Variants in LRRC69 observed in about 807,000 individuals in gnomAD.
The protein encoded by LRRC69 is leucine rich repeat containing 69, also known as leucine-rich repeat-containing protein 69.
A neutral mutation model predicts 37.8 loss-of-function variants in LRRC69; 42 were observed. The observed-to-expected ratio is 1.11, with a 90% CI of 0.87 to 1.44. The LOEUF is 1.44. LRRC69 is among the 40% of genes most tolerant of loss of function. The probability of loss-of-function intolerance (pLI) is 0.00; values close to 1 mark genes in which losing one functional copy is unlikely to be tolerated. For synonymous variants in LRRC69, 141 were observed against 143.1 expected (o/e 0.99, Z 0.11); for missense variants, 357 against 401.9 (o/e 0.89, Z 0.96).
chr8:91,181,185 A>G (rs952157001), intron 5 of LRRC69, among the ~76,000 whole-genome samples: 2 of 152,232 alleles, frequency 1.3e-5, no homozygotes, highest in African/African-American at 4.8e-5. Context: ...TAAAGAAAAT[A>G]TATGGAGAAA....
intron 5 of LRRC69, among the ~76,000 whole-genome samples, chr8:91,163,516 ATCT>A (rs1348431713): frequency 1.3e-5 from 2 of 151,440 alleles, no homozygotes; most frequent in Admixed American, 6.6e-5. Flanking sequence ...GGTCTCAAAA[ATCT>A]TCTCTGACCT....
intron 7 of LRRC69, among the ~76,000 whole-genome samples, chr8:91,207,671 G>A (rs1809828488): frequency 6.6e-6 from 1 of 152,230 alleles, no homozygotes; most frequent in South Asian, 2.1e-4. Context: ...TTTCAGGCTA[G>A]GCAGTTGCCT....
intron 5 of LRRC69, among the ~76,000 whole-genome samples, chr8:91,171,179 C>A (rs555649557): frequency 6.6e-6 from 1 of 151,890 alleles, no homozygotes; most frequent in African/African-American, 2.4e-5. Flanking sequence ...GTTTTATGTT[C>A]CTAAGGCTGA....
exon 7 of LRRC69, chr8:91,200,683 G>A (rs1427913933): frequency 7.9e-6 from 12 of 1,521,188 alleles, no homozygotes; most frequent in African/African-American, 1.4e-5. Flanking sequence ...GACATAGAAC[G>A]GTACCCACAA....
At chr8:91,166,492 G>GAAAAAAAAAAAAAAAAAAA (rs66705016) in intron 5 of LRRC69, among the ~76,000 whole-genome samples, 1 of 95,298 alleles carries the variant, frequency 1.0e-5, no homozygotes, top group African/African-American at 5.1e-5. Context: ...AAAATAAACT[G>GAAAAAAAAAAAAAAAAAAA]AAAAAAAAAA....
intron 1 of LRRC69, among the ~76,000 whole-genome samples, chr8:91,104,184 C>T (rs1210473402): frequency 1.3e-5 from 2 of 151,940 alleles, no homozygotes; most frequent in Admixed American, 1.3e-4. Context: ...TGTTACTACA[C>T]CTTTATTTCT....
At chr8:91,210,308 C>G (rs1045681737) in intron 7 of LRRC69, among the ~76,000 whole-genome samples, 2 of 152,270 alleles carry the variant, frequency 1.3e-5, no homozygotes, top group Middle Eastern at 3.4e-3. Flanking sequence ...CACCTTCTGT[C>G]TCTTTTTTCC....
At chr8:91,203,336 C>G (rs1809741633) in intron 7 of LRRC69, among the ~76,000 whole-genome samples, 1 of 151,922 alleles carries the variant, frequency 6.6e-6, no homozygotes, top group Non-Finnish European at 1.5e-5. Flanking sequence ...TCATTATGCT[C>G]CAGTAGTCTT....
intron 5 of LRRC69, among the ~76,000 whole-genome samples, chr8:91,150,438 T>C (rs201234195): frequency 5.3e-5 from 8 of 151,848 alleles, no homozygotes; most frequent in East Asian, 1.9e-4. Flanking sequence ...ATGAAGCCCA[T>C]TTGATCATGG....
intron 1 of LRRC69, among the ~76,000 whole-genome samples, chr8:91,116,252 C>T (rs1166653291): frequency 1.3e-5 from 2 of 151,896 alleles, no homozygotes; most frequent in Non-Finnish European, 2.9e-5. Context: ...CTGCTATTTG[C>T]CTGGCACTTT....
At chr8:91,204,726 G>T (rs1809770595) in intron 7 of LRRC69, among the ~76,000 whole-genome samples, 1 of 152,204 alleles carries the variant, frequency 6.6e-6, no homozygotes, top group African/African-American at 2.4e-5. Context: ...ATTATTAGTT[G>T]TTTCATAAGC....
intron 1 of LRRC69, among the ~76,000 whole-genome samples, chr8:91,122,022 G>T (rs975555366): frequency 6.6e-6 from 1 of 151,930 alleles, no homozygotes; most frequent in African/African-American, 2.4e-5. Flanking sequence ...TCATATATCT[G>T]GGCCAGACCC....
intron 1 of LRRC69, among the ~76,000 whole-genome samples, chr8:91,123,149 G>A (rs985422828): frequency 1.3e-5 from 2 of 151,984 alleles, no homozygotes; most frequent in African/African-American, 4.8e-5. Context: ...TGGAGTTTCC[G>A]GAAAGGAACA....
rs551292600 is a variant in LRRC69, at chr8:91,174,421, C to T, written c.652-15101C>T. On this transcript the variant is annotated intron_variant, in intron 5 of 7. Coordinates refer to ENST00000448384, the Ensembl canonical transcript of LRRC69. The stretch of plus-strand genomic sequence containing the variant: ...TTAAAGGCGCTATGCCTTTGAGAGG[C>T]TTTATTTAAAACCACACTGGGCCTT... 2.4e-4 allele frequency among the ~76,000 whole-genome samples: 36 copies of T among 152,260 alleles called. 2 individuals carry two copies. The South Asian group carries it at 7.5e-3, about 32-fold the overall frequency.
chr8:91,210,311 T>C (rs1809885423), intron 7 of LRRC69, among the ~76,000 whole-genome samples: 2 of 152,176 alleles, frequency 1.3e-5, no homozygotes, highest in African/African-American at 4.8e-5. Context: ...CTTCTGTCTC[T>C]TTTTTCCTGC....
chr8:91,213,474 A>G (rs1400206272), intron 7 of LRRC69, among the ~76,000 whole-genome samples: 1 of 152,216 alleles, frequency 6.6e-6, no homozygotes, highest in South Asian at 2.1e-4. Context: ...GTGATAAATT[A>G]TATTTAGTCA....
chr8:91,173,721 C>T (rs571526552), intron 5 of LRRC69, among the ~76,000 whole-genome samples: 33 of 152,094 alleles, frequency 2.2e-4, no homozygotes, highest in Admixed American at 1.8e-3. Flanking sequence ...GGTGTCTGTT[C>T]GGGGCTTGCA....
Position 91,122,902 on chromosome 8 carries a change from C to A in LRRC69, c.184-1591C>A, listed in dbSNP as rs918381570. Among the ~76,000 whole-genome samples the A allele has an allele frequency of 8.5e-5, 13 of 152,068 alleles. No individual in the cohort carries two copies. The South Asian group carries it at 1.9e-3, about 22-fold the overall frequency. ...TGACAAAGGGAAATTAAGGGTGCAG[C>A]CAGAAGTAAGGTGGATAGTCAGCTA... On this transcript the variant is annotated intron_variant, in intron 1 of 7. Transcript: ENST00000448384.
At chr8:91,153,523 C>T (rs533440744) in intron 5 of LRRC69, among the ~76,000 whole-genome samples, 3 of 151,852 alleles carry the variant, frequency 2.0e-5, no homozygotes, top group African/African-American at 7.2e-5. Context: ...TCTCTCAGAC[C>T]GCTGTGCAAT....
Sources: allele counts gnomAD v4.1 joint callset (sites outside exome capture counted in the v4.1 genomes callset), GRCh38; gene constraint gnomAD v4.1.1; transcripts MANE v1.5; gene names NCBI Gene and HGNC (gene_info 2026-07-23, HGNC 2026-07-21).